Variants in PLXND1 observed in about 807,000 individuals in gnomAD.
The protein encoded by PLXND1 is plexin-D1.
PLXND1 carries 54 observed loss-of-function variants against 197.7 expected under a neutral mutation model. The ratio of observed to expected loss-of-function variants is 0.27; its 90% CI spans 0.22 to 0.34. PLXND1 has a LOEUF of 0.34. Ranked by LOEUF, PLXND1 falls within the 10% of genes least tolerant of loss-of-function variation. The pLI is 1.00. For synonymous variants in PLXND1, 1,180 were observed against 1,161.2 expected (o/e 1.02, Z -0.33); for missense variants, 2,127 against 2,699.2 (o/e 0.79, Z 4.70).
rs2108779977 is a variant in PLXND1 at position 129,575,463 on chromosome 3, G to A, written c.2530+6C>T. ...GAGGCCATGTGGGGCGGGTGGGGGTGCCCACCTGTCATGGGCTCAGGGCTG... is the reference window on the plus strand; with the variant it reads ...GAGGCCATGTGGGGCGGGTGGGGGTACCCACCTGTCATGGGCTCAGGGCTG... On this transcript the variant is annotated splice_donor_region_variant and intron_variant, in intron 11 of 35. Transcript: ENST00000324093. The A allele has an allele frequency of 2.0e-6, 3 of 1,538,252 alleles. No homozygotes were observed. The highest frequency in any genetic ancestry group is 2.6e-6 in the Non-Finnish European group (3 of 1,134,872).
intron 1 of PLXND1, among the ~76,000 whole-genome samples, chr3:129,598,822 A>G (rs1315841308): frequency 6.6e-6 from 1 of 152,028 alleles, no homozygotes; most frequent in African/African-American, 2.4e-5. Flanking sequence ...ACAGTCACAC[A>G]CCACGGTGTG....
intron 2 of PLXND1, 44 bp downstream of exon 2, chr3:129,589,307 G>GCCGGCCCCCCCCCCCC: frequency 1.5e-6 from 1 of 684,692 alleles, no homozygotes; most frequent in Non-Finnish European, 2.6e-6. Context: ...TCCCAGGGGA[G>GCCGGCCCCCCCCCCCC]CCTCCCACCC....
intron 1 of PLXND1, among the ~76,000 whole-genome samples, chr3:129,596,339 G>A (rs2085622454): frequency 6.6e-6 from 1 of 152,118 alleles, no homozygotes; most frequent in Non-Finnish European, 1.5e-5. Flanking sequence ...CTGGCGCCTG[G>A]GAACCACCGC....
intron 15 of PLXND1, among the ~76,000 whole-genome samples, 184 bp from the exon 16 acceptor site, chr3:129,572,028 C>T (rs1488788844): frequency 3.3e-5 from 5 of 152,276 alleles, no homozygotes; most frequent in African/African-American, 9.6e-5. Flanking sequence ...AAATTCCGCC[C>T]CATCCCACCT....
chr3:129,565,642 G>T (rs1044664001), intron 24 of PLXND1, 104 bp from the exon 25 acceptor site: 2 of 1,073,990 alleles, frequency 1.9e-6, no homozygotes, highest in Non-Finnish European at 2.7e-6. Context: ...TCCCAGGAGT[G>T]CCTGTGTGGG....
Position 129,575,872 on chromosome 3 carries a change from G to A in PLXND1, c.2347-17C>T, listed in dbSNP as rs868841976. On this transcript the variant is annotated splice_polypyrimidine_tract_variant and intron_variant, in intron 9 of 35. Transcript: ENST00000324093. Reference sequence around the variant, plus strand: ...GGCTGCACCCTGTGGGAAACAGGGAGTGGGAGGCGGGTTTGAGGAGAACCA... The same window carrying A: ...GGCTGCACCCTGTGGGAAACAGGGAATGGGAGGCGGGTTTGAGGAGAACCA... 3 of 1,549,682 alleles carry A rather than the reference G, an allele frequency of 1.9e-6. No homozygotes were observed. In the Middle Eastern group the frequency reaches 5.1e-4, roughly 262 times the overall value.
At chr3:129,598,588 C>T (rs1021850987) in intron 1 of PLXND1, among the ~76,000 whole-genome samples, 1 of 152,140 alleles carries the variant, frequency 6.6e-6, no homozygotes, top group African/African-American at 2.4e-5. Context: ...CCATGATGGG[C>T]GCTGGGGCTG....
chr3:129,602,477 C>A (rs73863650), intron 1 of PLXND1, among the ~76,000 whole-genome samples: 1 of 152,208 alleles, frequency 6.6e-6, no homozygotes. Flanking sequence ...TCTCCCTTTG[C>A]GGCACGCATT....
rs976714986 is a variant in PLXND1, at chr3:129,606,263, T to C, written c.377A>G (p.Lys126Arg). The C allele has an allele frequency of 3.2e-6, 5 of 1,555,666 alleles. No individual in the cohort carries two copies. Among genetic ancestry groups the C allele is most frequent in the African/African-American group, 1.4e-5 (1 of 70,324 alleles). Residue 126 changes from lysine to arginine, a missense_variant, in exon 1 of 36, where the codon AAG becomes AGG. Physicochemically the swap from Lys to Arg is conservative, Grantham distance 26. Coordinates refer to ENST00000324093, the MANE Select transcript of PLXND1 (RefSeq NM_015103.3). ...CTGGCCGGGGTCCAGCTGCAGGATC[T>C]TGTTGTAGTTGTCCGTGAGGCGCCG... ...HPRRLTDNYN[K>R]ILQLDPGQGL...
intron 32 of PLXND1, 136 bp downstream of exon 32, chr3:129,559,484 C>T: frequency 3.0e-6 from 2 of 675,326 alleles, no homozygotes; most frequent in Non-Finnish European, 5.0e-6. Context: ...AGTCACTCAT[C>T]CGAGAACACA....
At chr3:129,589,307 G>GCCGCCCCCCCCCCC in intron 2 of PLXND1, 44 bp downstream of exon 2, 1 of 684,692 alleles carries the variant, frequency 1.5e-6, no homozygotes, top group Non-Finnish European at 2.6e-6. Flanking sequence ...TCCCAGGGGA[G>GCCGCCCCCCCCCCC]CCTCCCACCC....
At chr3:129,580,137 G>A (rs2085366003) in intron 8 of PLXND1, among the ~76,000 whole-genome samples, 1 of 152,178 alleles carries the variant, frequency 6.6e-6, no homozygotes, top group Non-Finnish European at 1.5e-5. Context: ...ACAGTGGAAT[G>A]AGCAACACAG....
In PLXND1 at chr3:129,561,842, C is replaced by T. The variant is rs1318567696; in HGVS notation, c.4887G>A (p.Val1629=). ...TGTTAAGCTTCTTGCGGCCGTCTTC[C>T]ACCACTGAGGTGTCGTCCAGGTCCC... is the stretch of plus-strand genomic sequence containing the variant. ...ILRDLDDTSV[V]EDGRKKLNTL... Residue 1629 remains valine, a synonymous_variant, in exon 28 of 36, where the codon GTG becomes GTA. Coordinates refer to ENST00000324093, the MANE Select transcript of PLXND1 (RefSeq NM_015103.3). 6 of 1,613,894 alleles carry T rather than the reference C, an allele frequency of 3.7e-6. No homozygotes were observed. In the South Asian group the frequency reaches 4.4e-5, roughly 12 times the overall value.
intron 1 of PLXND1, among the ~76,000 whole-genome samples, chr3:129,601,607 G>A (rs2085709439): frequency 6.6e-6 from 1 of 152,128 alleles, no homozygotes; most frequent in Non-Finnish European, 1.5e-5. Context: ...CAGCCAGATG[G>A]GACCAGGAGA....
chr3:129,579,908 G>A (rs1229351373), intron 8 of PLXND1, among the ~76,000 whole-genome samples: 1 of 152,150 alleles, frequency 6.6e-6, no homozygotes, highest in African/African-American at 2.4e-5. Context: ...GACCTCGAGG[G>A]GATGCCAATG....
chr3:129,599,160 C>T (rs867279136), intron 1 of PLXND1, among the ~76,000 whole-genome samples: 11 of 152,222 alleles, frequency 7.2e-5, no homozygotes, highest in African/African-American at 1.4e-4. Flanking sequence ...TCTTTGTTCA[C>T]GGCAGCAACC....
intron 1 of PLXND1, among the ~76,000 whole-genome samples, chr3:129,601,105 C>T (rs2085701639): frequency 6.6e-6 from 1 of 152,166 alleles, no homozygotes; most frequent in Non-Finnish European, 1.5e-5. Flanking sequence ...CACTCAACAA[C>T]TTCCCAACTG....
chr3:129,593,874 C>G (rs998702831), intron 1 of PLXND1, among the ~76,000 whole-genome samples: 5 of 152,218 alleles, frequency 3.3e-5, no homozygotes, highest in Non-Finnish European at 7.3e-5. Context: ...GTTTTGAGAG[C>G]AGGATGCCCC....
At chr3:129,567,830 A>G in intron 20 of PLXND1, 25 bp from the exon 21 acceptor site, 2 of 1,423,870 alleles carry the variant, frequency 1.4e-6, no homozygotes, top group Non-Finnish European at 2.0e-6. Context: ...GAGGCAGGTC[A>G]GGCCTCTGGT....
Sources: allele counts gnomAD v4.1 joint callset (sites outside exome capture counted in the v4.1 genomes callset), GRCh38; gene constraint gnomAD v4.1.1; transcripts MANE v1.5; gene names NCBI Gene and HGNC (gene_info 2026-07-23, HGNC 2026-07-21).